Variants in ADAMTS7 observed in about 807,000 individuals in gnomAD.
ADAMTS7 encodes the protein ADAM metallopeptidase with thrombospondin type 1 motif 7.
A neutral mutation model predicts 172.6 loss-of-function variants in ADAMTS7; 89 were observed. The ratio of observed to expected loss-of-function variants is 0.52; its 90% CI spans 0.43 to 0.61. The LOEUF (loss-of-function observed/expected upper bound fraction) is 0.61. ADAMTS7 is among the 20% of genes least tolerant of loss of function. The pLI is 0.00. For missense variants in ADAMTS7, 1,973 were observed against 2,355.6 expected (o/e 0.84, Z 3.36); for synonymous variants, 885 against 978.4 (o/e 0.90, Z 1.78).
At position 78,801,614 on chromosome 15, in the gene ADAMTS7, CTATT is replaced by C. The variant is rs570318153; in HGVS notation, c.101-1071_101-1068del. ...TCACTTAGCATTTTCATTATTTTTTCTATTTATTTGTTTTCTCCCTTCCCTCCCA... is the reference window on the plus strand; with the variant it reads ...TCACTTAGCATTTTCATTATTTTTTCTATTTGTTTTCTCCCTTCCCTCCCA... On this transcript the variant is annotated intron_variant, in intron 1 of 23. Transcript: ENST00000388820. Among the ~76,000 whole-genome samples the C allele has an allele frequency of 3.9e-5, 6 of 152,126 alleles. No homozygotes were observed. In the East Asian group the frequency reaches 9.7e-4, roughly 24 times the overall value.
At position 78,798,071 on chromosome 15, in the gene ADAMTS7, G is replaced by A. The variant is rs1303302046; in HGVS notation, c.499C>T (p.Pro167Ser). The part of the protein sequence containing the change: ...QLSNEDYFIE[P>S]LDSAPARPGH... Reference sequence around the variant, plus strand: ...GGCCGGGCCGGGGCACTGTCCAGGGGCTCAATGAAGTAGTCCTCGTTGGAG... The same window carrying A: ...GGCCGGGCCGGGGCACTGTCCAGGGACTCAATGAAGTAGTCCTCGTTGGAG... Residue 167 changes from proline (P) to serine (S), a missense_variant, in exon 3 of 24, where the codon CCC (proline) becomes TCC (serine). By Grantham distance (74) the Pro-to-Ser change is moderately conservative. Around this residue, in one of 8 missense-constraint regions of ADAMTS7, gnomAD observed 306 missense variants for 288.0 expected, o/e 1.06. Transcript: ENST00000388820. 2.6e-6 allele frequency: 4 copies of A among 1,567,058 alleles called. No individual in the cohort carries two copies. The highest frequency in any genetic ancestry group is 1.4e-5 in the African/African-American group (1 of 71,230).
chr15:78,797,710 G>A (rs762574605), intron 3 of ADAMTS7, among the ~76,000 whole-genome samples: 3 of 152,238 alleles, frequency 2.0e-5, no homozygotes, highest in Admixed American at 6.5e-5. Context: ...GGAGAAGTAG[G>A]TGAGATGGAG....
intron 5 of ADAMTS7, 88 bp from the exon 6 acceptor site, chr15:78,790,882 G>C: frequency 1.9e-6 from 3 of 1,575,878 alleles, no homozygotes; most frequent in Non-Finnish European, 1.7e-6. Context: ...GCAGGAGACA[G>C]AGGCCCAGCA....
At chr15:78,797,256 G>A (rs1353137169) in intron 3 of ADAMTS7, among the ~76,000 whole-genome samples, 2 of 152,238 alleles carry the variant, frequency 1.3e-5, no homozygotes, top group Non-Finnish European at 1.5e-5. Flanking sequence ...TACTGGGCCT[G>A]CTCCCCTGAC....
At chr15:78,777,921 G>A (rs12907867) in intron 8 of ADAMTS7, among the ~76,000 whole-genome samples, 151,712 of 152,290 alleles carry the variant, frequency 1, 75,570 homozygotes, top group Middle Eastern at 1. Flanking sequence ...CGACCCTGCA[G>A]CCTCCGTGTC....
rs959251741 is a variant in ADAMTS7, at chr15:78,771,194, G to C, written c.2486C>G (p.Pro829Arg). ...PPPVFSWHYG[P>R]WTKCTVTCGR... ...GCAGGTGACTGTGCACTTGGTCCAG[G>C]GCCCATAATGCCAGGAGAACACGGG... The change falls in exon 16 of 24, where the codon CCC (proline) becomes CGC (arginine). Residue 829 changes from proline (P) to arginine (R), a missense_variant. Transcript: ENST00000388820. This position sits in a 1 kb window ranked among gnomAD's most constrained non-coding sequence, Gnocchi z 4.9. 6.2e-7 allele frequency: 1 copy of C among 1,611,412 alleles called. No individual in the cohort carries two copies. The highest frequency in any genetic ancestry group is 8.5e-7 in the Non-Finnish European group (1 of 1,179,504).
In ADAMTS7 at chr15:78,776,728, G is replaced by C; in HGVS notation, c.1560+21C>G. 3.9e-6 allele frequency: 6 copies of C among 1,543,052 alleles called. No individual in the cohort carries two copies. In the Middle Eastern group the frequency reaches 6.7e-4, roughly 173 times the overall value. ...TCTGGCCTCTCACACACCCACTGCC[G>C]GGACTGGGGACATCCCCTACCTTAT... On this transcript the variant is annotated intron_variant, in intron 10 of 23. Transcript: ENST00000388820.
In ADAMTS7 at chr15:78,788,294, A is replaced by G; in HGVS notation, c.1259T>C (p.Leu420Pro). The G allele has an allele frequency of 3.7e-6, 6 of 1,613,824 alleles. No homozygotes were observed. The highest frequency in any genetic ancestry group is 2.2e-5 in the East Asian group (1 of 44,884). ...KRPFIMSPQL[L>P]YDAAPLTWSR... ...CCAGGTGAGGGGAGCGGCGTCGTAC[A>G]GGAGCTGTGGAGACATGATGAAAGG... Residue 420 changes from leucine (L) to proline (P), a missense_variant, in exon 8 of 24, where the codon CTG becomes CCG. By Grantham distance (98) the Leu-to-Pro change is moderately conservative. This residue lies in a region of ADAMTS7 where 526 missense variants were observed against 662.9 expected (regional missense o/e 0.79). Transcript: ENST00000388820.
At chr15:78,797,508 G>A (rs2055661629) in intron 3 of ADAMTS7, among the ~76,000 whole-genome samples, 1 of 152,206 alleles carries the variant, frequency 6.6e-6, no homozygotes, top group African/African-American at 2.4e-5. Context: ...CACACTCCAG[G>A]TCCCAATAAT....
intron 23 of ADAMTS7, chr15:78,761,960 T>C (rs1402061023): frequency 2.0e-6 from 2 of 985,262 alleles, no homozygotes; most frequent in Non-Finnish European, 2.4e-6. Flanking sequence ...TGTGGTTCCA[T>C]TGCTCACTCT....
intron 8 of ADAMTS7, among the ~76,000 whole-genome samples, chr15:78,780,936 A>G (rs2055419687): frequency 6.6e-6 from 1 of 151,940 alleles, no homozygotes; most frequent in African/African-American, 2.4e-5. Flanking sequence ...CCATCTCCCC[A>G]TGGTGTGAGG....
At chr15:78,759,739 T>C (rs1166826225) in intron 23 of ADAMTS7, among the ~76,000 whole-genome samples, 161 bp from the exon 24 acceptor site, 2 of 152,172 alleles carry the variant, frequency 1.3e-5, no homozygotes, top group African/African-American at 4.8e-5. Flanking sequence ...GGTCTCCAAC[T>C]GTTGCTGTCT....
chr15:78,787,357 A>AAC (rs1555432271), intron 8 of ADAMTS7, among the ~76,000 whole-genome samples: 5 of 151,110 alleles, frequency 3.3e-5, no homozygotes, highest in African/African-American at 1.2e-4. Flanking sequence ...GAAAAAAAAA[A>AAC]AACAAAAAAA....
intron 23 of ADAMTS7, among the ~76,000 whole-genome samples, chr15:78,760,955 C>T (rs1196440914): frequency 2.0e-5 from 3 of 152,144 alleles, no homozygotes; most frequent in African/African-American, 7.2e-5. Context: ...GTTCTCTGCC[C>T]CATCTGGTCC....
At chr15:78,806,121 CACACACAAAAAAAAA>C (rs2055789071) in intron 1 of ADAMTS7, among the ~76,000 whole-genome samples, 2 of 22,618 alleles carry the variant, frequency 8.8e-5, no homozygotes, top group South Asian at 2.4e-3. Context: ...CACACACACA[CACACACAAAAAAAAA>C]AAAAAAAAAA....
intron 1 of ADAMTS7, among the ~76,000 whole-genome samples, chr15:78,808,306 G>A (rs544241204): frequency 1.3e-5 from 2 of 152,110 alleles, no homozygotes; most frequent in African/African-American, 4.8e-5. Flanking sequence ...GTGCGATCTC[G>A]GCTCACCGCA....
rs978088011 is a variant in ADAMTS7, at chr15:78,796,621, A to C, written c.788T>G (p.Val263Gly). The C allele has an allele frequency of 6.2e-7, 1 of 1,613,810 alleles. No homozygotes were observed. The highest frequency in any genetic ancestry group is 2.2e-5 in the East Asian group (1 of 44,876). Reference sequence around the variant, plus strand: ...CATGATGGTCAGCACATAGCTCTCAACCTGCGGCTGTCCGTGGTACTCCAC... The same window carrying C: ...CATGATGGTCAGCACATAGCTCTCACCCTGCGGCTGTCCGTGGTACTCCAC... ...KMVEYHGQPQVESYVLTIMNM... is the reference protein window; with the variant it reads ...KMVEYHGQPQGESYVLTIMNM... Residue 263 changes from valine to glycine, a missense_variant, in exon 4 of 24, where the codon GTT becomes GGT. Physicochemically the swap from Val to Gly is moderately radical, Grantham distance 109 (BLOSUM62 -3). This residue lies in a region of ADAMTS7 where 526 missense variants were observed against 662.9 expected (regional missense o/e 0.79). Coordinates refer to ENST00000388820, the MANE Select transcript of ADAMTS7 (RefSeq NM_014272.5).
intron 13 of ADAMTS7, among the ~76,000 whole-genome samples, chr15:78,773,750 C>T (rs1226674742): frequency 1.3e-5 from 2 of 152,188 alleles, no homozygotes; most frequent in Non-Finnish European, 2.9e-5. Flanking sequence ...GCTCAGAGCC[C>T]TCTGTGTCAC....
In ADAMTS7 at chr15:78,793,719, G is replaced by A. The variant is rs550245620; in HGVS notation, c.820-2496C>T. On this transcript the variant is annotated intron_variant, in intron 4 of 23. Transcript: ENST00000388820. ...TCACTTTATCCCAGGTAGAGCGATG[G>A]CTCTCAACAAGTCAGTCTTAAATAA... Among the ~76,000 whole-genome samples the A allele has an allele frequency of 1.6e-3, 249 of 152,282 alleles. 4 individuals carry two copies. The South Asian group carries it at 0.023, about 14-fold the overall frequency.
Sources: gnomAD v4.1 joint callset for allele counts (sites outside exome capture counted in the v4.1 genomes callset) on GRCh38, gnomAD v4.1.1 for gene constraint, gnomAD v4.1.1 regional missense constraint, Gnocchi (gnomAD v3.1) non-coding constraint, MANE v1.5 for transcripts, NCBI Gene and HGNC (gene_info 2026-07-23, HGNC 2026-07-21) for gene names.